NOP58: variants seen among roughly 807,000 people sequenced by gnomAD.
NOP58 encodes the protein nucleolar protein 58.
Under a neutral mutation model 71.2 loss-of-function variants are expected in NOP58, and 44 were observed. The observed-to-expected ratio is 0.62, with a 90% CI of 0.49 to 0.79. The LOEUF is 0.79. Ranked by LOEUF, NOP58 falls within the 30% of genes least tolerant of loss-of-function variation. The probability of loss-of-function intolerance (pLI) is 0.00; values close to 1 mark genes in which losing one functional copy is unlikely to be tolerated. For synonymous variants in NOP58, 228 were observed against 200.3 expected (o/e 1.14, Z -1.17); for missense variants, 538 against 620.2 (o/e 0.87, Z 1.41).
At chr2:202,301,341 C>T (rs1365552865) in intron 13 of NOP58, among the ~76,000 whole-genome samples, 2 of 152,060 alleles carry the variant, frequency 1.3e-5, no homozygotes, top group African/African-American at 2.4e-5. Flanking sequence ...CGCACCACCA[C>T]GCCCAGCTAA....
Position 202,287,716 on chromosome 2 carries a change from A to G in NOP58, c.491A>G (p.Gln164Arg), listed in dbSNP as rs1688816933. Residue 164 changes from glutamine (Q) to arginine (R), a missense_variant, in exon 6 of 15, where the codon CAG (glutamine) becomes CGG (arginine). Coordinates refer to ENST00000264279, the MANE Select transcript of NOP58 (RefSeq NM_015934.5). ...GATAAAGTAGACACAATGATTGTTC[A>G]GGCAATTTGTAAGTATAGTACATGC... Reference protein sequence around the residue: ...SADKVDTMIVQAISLLDDLDK... With the variant: ...SADKVDTMIVRAISLLDDLDK... 4 of 1,610,672 alleles carry G rather than the reference A, an allele frequency of 2.5e-6. No homozygotes were observed. The highest frequency in any genetic ancestry group is 1.7e-5 in the Admixed American group (1 of 59,988).
intron 5 of NOP58, among the ~76,000 whole-genome samples, chr2:202,286,929 T>A (rs1688797372): frequency 6.6e-6 from 1 of 152,208 alleles, no homozygotes; most frequent in Admixed American, 6.5e-5. Context: ...TGTGCTGAGA[T>A]GAAAAAACAT....
At position 202,303,542 on chromosome 2, in the gene NOP58, GAC is replaced by G. The variant is rs1689128434; in HGVS notation, c.*108_*109del. The G allele has an allele frequency of 6.4e-6, 9 of 1,408,210 alleles. No individual in the cohort carries two copies. The highest frequency in any genetic ancestry group is 8.5e-6 in the Non-Finnish European group (9 of 1,064,120). The allele number at this position is 1,408,210 out of a possible 1,614,324, so 87.2% of individuals were successfully genotyped here. A position where few individuals can be genotyped will look rare whatever the true frequency, so the allele number is the denominator to read the frequency against. On this transcript the variant is annotated 3_prime_UTR_variant, in exon 15 of 15. Transcript: ENST00000264279. ...ACGTAATCAAGGGAAGGTTCAGTAAGACAAAGTGATTTATCATCTATAACTTC... is the reference window on the plus strand; with the variant it reads ...ACGTAATCAAGGGAAGGTTCAGTAAGAAAGTGATTTATCATCTATAACTTC...
At chr2:202,300,705 G>A (rs1689077127) in intron 13 of NOP58, among the ~76,000 whole-genome samples, 1 of 152,176 alleles carries the variant, frequency 6.6e-6, no homozygotes, top group Admixed American at 6.5e-5. Flanking sequence ...AGTTAAGAAT[G>A]AATACAGAAT....
At chr2:202,296,206 T>G (rs1318399621) in intron 10 of NOP58, among the ~76,000 whole-genome samples, 4 of 152,138 alleles carry the variant, frequency 2.6e-5, no homozygotes, top group African/African-American at 9.7e-5. Flanking sequence ...CACTAAACTT[T>G]TTTTTTTTGA....
At chr2:202,286,777 AT>A (rs1688793194) in intron 5 of NOP58, among the ~76,000 whole-genome samples, 1 of 152,168 alleles carries the variant, frequency 6.6e-6, no homozygotes, top group South Asian at 2.1e-4. Flanking sequence ...GTCTATGTCC[AT>A]AGACATTTTT....
intron 6 of NOP58, among the ~76,000 whole-genome samples, chr2:202,288,343 G>A (rs1688826929): frequency 6.6e-6 from 1 of 151,720 alleles, no homozygotes; most frequent in South Asian, 2.1e-4. Flanking sequence ...AATTAACCAG[G>A]CATGGTGGTG....
rs1253810983 is a variant in NOP58, at chr2:202,303,383, C to T, written c.1540-3C>T. 6.2e-7 allele frequency: 1 copy of T among 1,611,392 alleles called. No homozygotes were observed. On this transcript the variant is annotated splice_polypyrimidine_tract_variant and splice_region_variant and intron_variant, in intron 14 of 14. Transcript: ENST00000264279. ...TCAAAGCATTCTTGTTGGCTATTTT[C>T]AGAGTCCAGAGAAAAAGAAGAAAAA...
chr2:202,299,629 A>G (rs1689056184), intron 12 of NOP58, among the ~76,000 whole-genome samples: 1 of 151,294 alleles, frequency 6.6e-6, no homozygotes, highest in African/African-American at 2.4e-5. Flanking sequence ...TTCCTGTGCA[A>G]TTAGTACTTT....
chr2:202,277,567 T>G (rs1473590388), intron 2 of NOP58, among the ~76,000 whole-genome samples: 1 of 152,044 alleles, frequency 6.6e-6, no homozygotes, highest in East Asian at 1.9e-4. Context: ...TTGTACAGGA[T>G]AGACAAATGA....
At chr2:202,278,256 T>C (rs574112997) in intron 3 of NOP58, 20 of 583,788 alleles carry the variant, frequency 3.4e-5, no homozygotes, top group Middle Eastern at 2.7e-4. Context: ...AGTGGTTAAG[T>C]TGATCTCCCT....
At chr2:202,299,499 T>C (rs1268632790) in intron 12 of NOP58, among the ~76,000 whole-genome samples, 1 of 151,740 alleles carries the variant, frequency 6.6e-6, no homozygotes, top group African/African-American at 2.4e-5. Context: ...ACAAACATGG[T>C]TCTTTGTTTC....
At chr2:202,278,212 G>T (rs753257219) in intron 3 of NOP58, 1 of 646,836 alleles carries the variant, frequency 1.5e-6, no homozygotes, top group Non-Finnish European at 3.0e-6. Context: ...TTCACCATAG[G>T]GCTGGTTTTC....
At chr2:202,287,168 C>T (rs1241497297) in intron 5 of NOP58, among the ~76,000 whole-genome samples, 1 of 148,440 alleles carries the variant, frequency 6.7e-6, no homozygotes, top group Non-Finnish European at 1.5e-5. Flanking sequence ...CTCCCCGGTT[C>T]AAGCGATTCT....
chr2:202,265,785 G>C lies in NOP58; in HGVS notation c.-157G>C. The C allele has an allele frequency of 1.4e-6, 1 of 732,784 alleles. No homozygotes were observed. The allele number at this position is 732,784 out of a possible 1,614,324, so 45.4% of individuals were successfully genotyped here. ...GTCCTAGTTCCAGTACAGCGTGGAG[G>C]GTTTAGGCAGCGTGTTCTGATTCTT... On this transcript the variant is annotated 5_prime_UTR_variant, in exon 1 of 15. Coordinates refer to ENST00000264279, the MANE Select transcript of NOP58 (RefSeq NM_015934.5).
At chr2:202,296,871 C>T (rs1331037988) in intron 10 of NOP58, among the ~76,000 whole-genome samples, 1 of 152,042 alleles carries the variant, frequency 6.6e-6, no homozygotes, top group Non-Finnish European at 1.5e-5. Context: ...GTAGCTGGGA[C>T]TACAGGCGCC....
rs1055728682 is a variant in NOP58 at position 202,303,493 on chromosome 2, G to A, written c.*57G>A. The A allele has an allele frequency of 1.3e-6, 2 of 1,566,440 alleles. No individual in the cohort carries two copies. Among genetic ancestry groups the A allele is most frequent in the African/African-American group, 1.4e-5 (1 of 73,668 alleles). ...ACACATCATGCTTAAGATTCAACTG[G>A]GAGCATACCAGGGATGCTCTCTAAC... On this transcript the variant is annotated 3_prime_UTR_variant, in exon 15 of 15. Coordinates refer to ENST00000264279, the MANE Select transcript of NOP58 (RefSeq NM_015934.5).
chr2:202,288,040 G>A (rs1012084666), intron 6 of NOP58, among the ~76,000 whole-genome samples: 1 of 152,186 alleles, frequency 6.6e-6, no homozygotes, highest in Non-Finnish European at 1.5e-5. Flanking sequence ...CTTGAACCCA[G>A]GAGGCGGAGG....
chr2:202,299,763 T>C (rs1269322023), intron 12 of NOP58: 1 of 152,342 alleles, frequency 6.6e-6, no homozygotes, highest in African/African-American at 2.4e-5. Flanking sequence ...TCCATGTGCA[T>C]GTATTTGTAT....
Sources: allele counts gnomAD v4.1 joint callset (sites outside exome capture counted in the v4.1 genomes callset), GRCh38; gene constraint gnomAD v4.1.1; transcripts MANE v1.5; gene names NCBI Gene and HGNC (gene_info 2026-07-23, HGNC 2026-07-21).